Variants in MYO9B observed in about 807,000 individuals in gnomAD.
MYO9B encodes the protein unconventional myosin-IXb.
MYO9B carries 71 observed loss-of-function variants against 229.5 expected under a neutral mutation model. The ratio of observed to expected loss-of-function variants is 0.31; its 90% CI spans 0.26 to 0.38. The LOEUF (loss-of-function observed/expected upper bound fraction) is 0.38. MYO9B is among the 10% of genes least tolerant of loss of function. The pLI, the probability that MYO9B is intolerant of heterozygous loss-of-function variation, is 1.00. For synonymous variants in MYO9B, 1,185 were observed against 1,235.8 expected, an observed-to-expected ratio of 0.96 and a Z score of 0.86; for missense variants, 2,255 against 2,920.5, an observed-to-expected ratio of 0.77 and a Z score of 5.25.
chr19:17,090,321 G>A (rs1304467058), intron 1 of MYO9B, among the ~76,000 whole-genome samples: 1 of 150,822 alleles, frequency 6.6e-6, no homozygotes, highest in African/African-American at 2.4e-5. Context: ...TTTTTGTGTT[G>A]TTTTTTTTCT....
intron 10 of MYO9B, among the ~76,000 whole-genome samples, chr19:17,164,659 G>T (rs1189654521): frequency 6.6e-6 from 1 of 152,206 alleles, no homozygotes; most frequent in Admixed American, 6.5e-5. Context: ...TGGGATTATA[G>T]GCGTGAGCCA....
At chr19:17,168,486 T>G (rs76256614) in intron 11 of MYO9B, among the ~76,000 whole-genome samples, 4,924 of 152,280 alleles carry the variant, frequency 0.032, 267 homozygotes, top group African/African-American at 0.11. Flanking sequence ...AACTTGTGTC[T>G]GTTCATTTCA....
chr19:17,105,904 G>C (rs2057788184), intron 2 of MYO9B, among the ~76,000 whole-genome samples: 1 of 152,050 alleles, frequency 6.6e-6, no homozygotes, highest in Non-Finnish European at 1.5e-5. Flanking sequence ...GTTTACATCA[G>C]CTTTTAATAA....
Position 17,162,336 on chromosome 19 carries a change from C to G in MYO9B, c.1420-14C>G. 2.6e-6 allele frequency: 4 copies of G among 1,556,802 alleles called. No individual in the cohort carries two copies. The South Asian group carries it at 4.7e-5, about 18-fold the overall frequency. On this transcript the variant is annotated splice_polypyrimidine_tract_variant and intron_variant, in intron 8 of 39. Coordinates refer to ENST00000682292, the MANE Select transcript of MYO9B (RefSeq NM_004145.4). ...TGCCGTGCCGGAGGTGAGTCACCCC[C>G]TCTGTGTCCACAGGCCATCACTGCC...
intron 2 of MYO9B, among the ~76,000 whole-genome samples, chr19:17,128,817 T>A (rs1002091922): frequency 2.6e-5 from 4 of 152,234 alleles, no homozygotes; most frequent in Admixed American, 1.3e-4. Flanking sequence ...CAGTGTCATG[T>A]GGTGGTCTCC....
intron 23 of MYO9B, 83 bp downstream of exon 23, chr19:17,197,941 C>G (rs2073064417): frequency 6.5e-7 from 1 of 1,532,704 alleles, no homozygotes; most frequent in Admixed American, 1.7e-5. Context: ...GTAACCCCAG[C>G]TACTCAGGAG....
intron 11 of MYO9B, among the ~76,000 whole-genome samples, chr19:17,171,973 C>G (rs1275287354): frequency 6.6e-6 from 1 of 152,112 alleles, no homozygotes; most frequent in African/African-American, 2.4e-5. Context: ...AATCCTGAAG[C>G]CTTGAGAGCG....
chr19:17,162,779 C>T (rs1020049227), intron 9 of MYO9B, among the ~76,000 whole-genome samples: 11 of 151,482 alleles, frequency 7.3e-5, no homozygotes, highest in African/African-American at 2.7e-4. Flanking sequence ...GCTGTGGTGG[C>T]GCCACTGCAC....
At chr19:17,171,236 GC>G (rs1036499895) in intron 11 of MYO9B, among the ~76,000 whole-genome samples, 165 of 152,292 alleles carry the variant, frequency 1.1e-3, no homozygotes, top group African/African-American at 3.9e-3. Flanking sequence ...CAAAAGTGGG[GC>G]CGGGCTCAGG....
chr19:17,086,172 CCT>C, intron 1 of MYO9B, among the ~76,000 whole-genome samples: 1 of 152,188 alleles, frequency 6.6e-6, no homozygotes. Context: ...ACGGGGCTCC[CCT>C]GTCGGACTTG....
chr19:17,152,809 C>G (rs1201981059), intron 4 of MYO9B, 103 bp downstream of exon 4: 7 of 1,039,296 alleles, frequency 6.7e-6, no homozygotes, highest in Non-Finnish European at 1.0e-5. Flanking sequence ...CGGAGGAATT[C>G]TGGGGGAGGC....
intron 3 of MYO9B, among the ~76,000 whole-genome samples, chr19:17,147,635 T>A (rs2072427473): frequency 6.7e-6 from 1 of 149,140 alleles, no homozygotes; most frequent in South Asian, 2.1e-4. Flanking sequence ...ATCCAGAAAT[T>A]ACAAGTGTGA....
chr19:17,171,268 ACAT>A (rs1475625363), intron 11 of MYO9B, among the ~76,000 whole-genome samples: 1 of 152,218 alleles, frequency 6.6e-6, no homozygotes, highest in Admixed American at 6.5e-5. Flanking sequence ...CAAACCAACA[ACAT>A]CATTTCCCTC....
At chr19:17,198,902 T>C (rs2073076475) in intron 24 of MYO9B, among the ~76,000 whole-genome samples, 1 of 152,008 alleles carries the variant, frequency 6.6e-6, no homozygotes, top group Admixed American at 6.6e-5. Context: ...TTCTGTCCCT[T>C]AAAAGGACAC....
chr19:17,141,318 C>T (rs1161603175), intron 2 of MYO9B, among the ~76,000 whole-genome samples: 2 of 152,134 alleles, frequency 1.3e-5, no homozygotes, highest in Non-Finnish European at 2.9e-5. Context: ...ACACTGTGGC[C>T]TCGCTCTCTC....
intron 1 of MYO9B, among the ~76,000 whole-genome samples, chr19:17,100,879 A>G (rs915077642): frequency 2.6e-5 from 4 of 151,690 alleles, no homozygotes; most frequent in Middle Eastern, 6.8e-3. Flanking sequence ...GGGAATCCCA[A>G]ATTTCAGGAC....
chr19:17,181,100 G>A (rs955463801), intron 15 of MYO9B, 60 bp downstream of exon 15: 31 of 1,232,122 alleles, frequency 2.5e-5, no homozygotes, highest in Non-Finnish European at 3.5e-5. Flanking sequence ...CTACTCCTGC[G>A]ACCCCGGCGG....
Position 17,202,019 on chromosome 19 carries a change from G to A in MYO9B, c.4657G>A (p.Val1553Ile). Residue 1553 changes from valine to isoleucine, a missense_variant, in exon 27 of 40, where the codon GTC becomes ATC. By Grantham distance (29) the Val-to-Ile change is conservative (BLOSUM62 3). Coordinates refer to ENST00000682292, the MANE Select transcript of MYO9B (RefSeq NM_004145.4). ...FRSNIKTMYS[V>I]PNGKIHVGYK... ...GAGCAACATCAAAACGATGTACTCT[G>A]TCCCGGTATGTGGCGGCCCGGCCTT... 1.2e-6 allele frequency: 2 copies of A among 1,612,442 alleles called. No individual in the cohort carries two copies. The highest frequency in any genetic ancestry group is 1.7e-6 in the Non-Finnish European group (2 of 1,179,324).
rs1163495993 is a variant in MYO9B, at chr19:17,172,078, G to T, written c.1794-258G>T. The stretch of plus-strand genomic sequence containing the variant: ...CCCTCCACCAGCGTGTTCAGCATGA[G>T]GCAGGCAGGCACACCCAGATAGCAG... On this transcript the variant is annotated intron_variant, in intron 11 of 39. Coordinates refer to ENST00000682292, the MANE Select transcript of MYO9B (RefSeq NM_004145.4). This position sits in a 1 kb window ranked among gnomAD's most constrained non-coding sequence, Gnocchi z 8.2. Among the ~76,000 whole-genome samples the T allele has an allele frequency of 2.0e-5, 3 of 152,164 alleles. No homozygotes were observed. The highest frequency in any genetic ancestry group is 7.2e-5 in the African/African-American group (3 of 41,430).
Sources: allele counts gnomAD v4.1 joint callset (sites outside exome capture counted in the v4.1 genomes callset), GRCh38; gene constraint gnomAD v4.1.1; non-coding constraint Gnocchi (gnomAD v3.1); transcripts MANE v1.5; gene names NCBI Gene and HGNC (gene_info 2026-07-23, HGNC 2026-07-21).